MYO3A: variants seen among roughly 807,000 people sequenced by gnomAD.
The protein encoded by MYO3A is myosin-IIIa.
MYO3A carries 180 observed loss-of-function variants against 192.7 expected under a neutral mutation model. The observed-to-expected ratio is 0.93, with a 90% CI of 0.83 to 1.06. The LOEUF (loss-of-function observed/expected upper bound fraction) is 1.06, where lower values mean the gene tolerates loss of function less well. Ranked by LOEUF, MYO3A falls within the 50% of genes least tolerant of loss-of-function variation. The pLI is 0.00. For missense variants in MYO3A, 1,896 were observed against 1,905.0 expected, an observed-to-expected ratio of 1.00 and a Z score of 0.09; for synonymous variants, 628 against 645.3, an observed-to-expected ratio of 0.97 and a Z score of 0.41.
chr10:26,165,475 G>A (rs1841693475), intron 26 of MYO3A, among the ~76,000 whole-genome samples: 1 of 152,166 alleles, frequency 6.6e-6, no homozygotes, highest in Non-Finnish European at 1.5e-5. Flanking sequence ...CTGAGGACCT[G>A]CTTTCAGTTC....
chr10:26,048,064 A>G (rs1843734403), intron 10 of MYO3A, among the ~76,000 whole-genome samples: 1 of 152,208 alleles, frequency 6.6e-6, no homozygotes, highest in African/African-American at 2.4e-5. Context: ...GAGTAGATAT[A>G]ACTTTAGCAA....
intron 17 of MYO3A, among the ~76,000 whole-genome samples, chr10:26,111,804 G>A (rs562788906): frequency 2.8e-4 from 42 of 152,220 alleles, no homozygotes; most frequent in Admixed American, 1.1e-3. Context: ...GAAAACGGGA[G>A]CAGCTAATAG....
chr10:26,146,862 T>G (rs1371320375), intron 22 of MYO3A, among the ~76,000 whole-genome samples: 1 of 152,144 alleles, frequency 6.6e-6, no homozygotes, highest in Non-Finnish European at 1.5e-5. Flanking sequence ...CCTGTAATCC[T>G]AGCACTTTGG....
At chr10:26,095,355 G>T (rs1047961931) in intron 15 of MYO3A, among the ~76,000 whole-genome samples, 1 of 152,164 alleles carries the variant, frequency 6.6e-6, no homozygotes, top group Non-Finnish European at 1.5e-5. Flanking sequence ...ATAATGGAGT[G>T]AACAGTGAAG....
At chr10:26,147,712 T>A (rs1840556092) in intron 23 of MYO3A, among the ~76,000 whole-genome samples, 153 bp downstream of exon 23, 1 of 152,210 alleles carries the variant, frequency 6.6e-6, no homozygotes, top group Non-Finnish European at 1.5e-5. Context: ...CCCCAGATCA[T>A]CTGAAGAAAA....
chr10:25,986,062 C>A (rs77303144), intron 4 of MYO3A, among the ~76,000 whole-genome samples: 9,726 of 152,138 alleles, frequency 0.064, 407 homozygotes, highest in Non-Finnish European at 0.094. Context: ...ATATGTAAGT[C>A]ATAAATGTGA....
chr10:26,189,475 G>A (rs898697634), intron 31 of MYO3A, among the ~76,000 whole-genome samples: 1 of 152,226 alleles, frequency 6.6e-6, no homozygotes, highest in Non-Finnish European at 1.5e-5. Flanking sequence ...AAAGAGATAG[G>A]ATTGAAGGTG....
intron 32 of MYO3A, among the ~76,000 whole-genome samples, chr10:26,197,555 TTTG>T (rs376257394): frequency 2.6e-5 from 4 of 151,676 alleles, no homozygotes; most frequent in East Asian, 1.9e-4. Flanking sequence ...TTTTGCGTTT[TTTG>T]TTGTTGTTGG....
At chr10:26,009,155 C>T (rs1277068950) in intron 6 of MYO3A, among the ~76,000 whole-genome samples, 1 of 144,556 alleles carries the variant, frequency 6.9e-6, no homozygotes, top group Non-Finnish European at 1.5e-5. Context: ...CATATTCTCA[C>T]TCATAGGTGG....
chr10:26,028,362 A>G (rs1024817718), intron 10 of MYO3A, among the ~76,000 whole-genome samples: 2 of 152,220 alleles, frequency 1.3e-5, no homozygotes, highest in Admixed American at 6.5e-5. Context: ...TTGGGAGATA[A>G]TAATCCTTGC....
At chr10:26,016,098 A>T (rs1272634658) in intron 6 of MYO3A, among the ~76,000 whole-genome samples, 1 of 152,120 alleles carries the variant, frequency 6.6e-6, no homozygotes, top group Non-Finnish European at 1.5e-5. Context: ...GAGTGTGAAA[A>T]TGGAGAAAAG....
chr10:26,043,367 G>A (rs1230860376), intron 10 of MYO3A, among the ~76,000 whole-genome samples: 1 of 152,130 alleles, frequency 6.6e-6, no homozygotes, highest in East Asian at 1.9e-4. Flanking sequence ...AGGTGGCACA[G>A]CCAGCCAGGA....
chr10:25,988,642 A>T (rs892136586), intron 4 of MYO3A, among the ~76,000 whole-genome samples: 2 of 152,202 alleles, frequency 1.3e-5, no homozygotes, highest in Non-Finnish European at 2.9e-5. Context: ...GTGAATGTTC[A>T]TAGCAGTTCT....
chr10:26,047,601 A>G (rs34748570), intron 10 of MYO3A, among the ~76,000 whole-genome samples: 24,352 of 151,812 alleles, frequency 0.16, 2,255 homozygotes, highest in Non-Finnish European at 0.21. Context: ...GTGAAACCCC[A>G]TCTCTACTAA....
chr10:26,049,661 CTT>C (rs1843855146), intron 10 of MYO3A, among the ~76,000 whole-genome samples: 1 of 104,574 alleles, frequency 9.6e-6, no homozygotes, highest in African/African-American at 3.4e-5. Flanking sequence ...TTCTTTCTTT[CTT>C]TCTTTCTTTC....
intron 10 of MYO3A, among the ~76,000 whole-genome samples, chr10:26,032,133 C>T (rs12779127): frequency 0.63 from 95,131 of 152,074 alleles, 30,670 homozygotes; most frequent in Middle Eastern, 0.74. Flanking sequence ...AAAAAGGATT[C>T]AGTAACTCCT....
chr10:26,179,089 ATTTTTTT>A (rs59025321), intron 31 of MYO3A, among the ~76,000 whole-genome samples: 4 of 66,140 alleles, frequency 6.0e-5, no homozygotes, highest in Non-Finnish European at 5.1e-5. Flanking sequence ...GCCCAGCCTA[ATTTTTTT>A]TTTTTTTTTT....
intron 10 of MYO3A, among the ~76,000 whole-genome samples, chr10:26,037,742 A>T (rs1843115233): frequency 6.6e-6 from 1 of 152,136 alleles, no homozygotes; most frequent in Admixed American, 6.6e-5. Context: ...GACTGGGGAG[A>T]CCTCAGGAGA....
intron 10 of MYO3A, 46 bp downstream of exon 10, chr10:26,026,578 G>T (rs1426433312): frequency 6.2e-7 from 1 of 1,605,190 alleles, no homozygotes; most frequent in South Asian, 1.1e-5. Context: ...ATTATTGAAA[G>T]ATTTTGAACA....
Sources: gnomAD v4.1 joint callset for allele counts (sites outside exome capture counted in the v4.1 genomes callset) on GRCh38, gnomAD v4.1.1 for gene constraint, MANE v1.5 for transcripts, NCBI Gene and HGNC (gene_info 2026-07-23, HGNC 2026-07-21) for gene names.